The following NAALADL2 variants were observed in gnomAD, a reference collection of about 807,000 sequenced individuals.
NAALADL2 encodes N-acetylated alpha-linked acidic dipeptidase like 2.
In NAALADL2, 76 loss-of-function variants were observed where a neutral mutation model predicts 87.2. The ratio of observed to expected loss-of-function variants is 0.87; its 90% CI spans 0.72 to 1.05. The LOEUF (loss-of-function observed/expected upper bound fraction) is 1.05. Among genes scored for constraint, NAALADL2 ranks in the 50% least tolerant of loss-of-function variants. The pLI is 0.00. For synonymous variants in NAALADL2, 354 were observed against 331.0 expected (o/e 1.07, Z -0.75); for missense variants, 1,089 against 945.8 (o/e 1.15, Z -1.99).
chr3:174,681,116 G>A (rs1000084454), intron 2 of NAALADL2, among the ~76,000 whole-genome samples: 4 of 152,166 alleles, frequency 2.6e-5, no homozygotes, highest in African/African-American at 9.7e-5. Flanking sequence ...GCAGAACTCA[G>A]CTGATGCCTG....
At chr3:174,555,729 A>C (rs939791857) in intron 2 of NAALADL2, among the ~76,000 whole-genome samples, 5 of 152,124 alleles carry the variant, frequency 3.3e-5, no homozygotes, top group Non-Finnish European at 7.4e-5. Flanking sequence ...CCTTTCTATA[A>C]GCCATTCCAT....
chr3:174,467,852 T>C (rs1560001008), intron 1 of NAALADL2, among the ~76,000 whole-genome samples: 1 of 152,058 alleles, frequency 6.6e-6, no homozygotes, highest in East Asian at 1.9e-4. Flanking sequence ...AAAATATCTC[T>C]AACAGAATTA....
intron 2 of NAALADL2, among the ~76,000 whole-genome samples, chr3:174,597,718 T>C (rs530458275): frequency 1.4e-4 from 22 of 152,292 alleles, no homozygotes; most frequent in African/African-American, 5.1e-4. Flanking sequence ...AAAGGGTTCA[T>C]TGGGAGAAGT....
At chr3:175,553,936 A>G (rs887649531) in intron 9 of NAALADL2, among the ~76,000 whole-genome samples, 1 of 152,160 alleles carries the variant, frequency 6.6e-6, no homozygotes, top group African/African-American at 2.4e-5. Flanking sequence ...CAGGTGATAT[A>G]CAGGGTAAAT....
intron 3 of NAALADL2, among the ~76,000 whole-genome samples, chr3:174,830,302 A>G (rs939437322): frequency 4.0e-5 from 6 of 151,366 alleles, no homozygotes; most frequent in Non-Finnish European, 8.9e-5. Flanking sequence ...TATAAGGTGT[A>G]AGGAAGGGAT....
chr3:174,822,480 A>G (rs1291484859), intron 3 of NAALADL2, among the ~76,000 whole-genome samples: 1 of 152,186 alleles, frequency 6.6e-6, no homozygotes, highest in African/African-American at 2.4e-5. Context: ...TCATGCACAG[A>G]CATTGGTAAT....
intron 1 of NAALADL2, among the ~76,000 whole-genome samples, chr3:174,910,570 A>G (rs1733565186): frequency 6.6e-6 from 1 of 152,036 alleles, no homozygotes; most frequent in Non-Finnish European, 1.5e-5. Flanking sequence ...CAGGAAAGGT[A>G]GGAGTTAATT....
chr3:175,013,166 TGTAATAC>T (rs1426372447), intron 1 of NAALADL2, among the ~76,000 whole-genome samples: 14 of 111,668 alleles, frequency 1.3e-4, no homozygotes, highest in African/African-American at 3.8e-4. Context: ...TATATAAATA[TGTAATAC>T]ATATTTATAT....
chr3:174,441,602 A>G (rs1373046198), intron 1 of NAALADL2, among the ~76,000 whole-genome samples: 10 of 152,328 alleles, frequency 6.6e-5, no homozygotes, highest in African/African-American at 1.4e-4. Context: ...AGCCATGGAA[A>G]GAGCAGCCTG....
chr3:175,202,441 A>T (rs762945988), intron 2 of NAALADL2, among the ~76,000 whole-genome samples: 35 of 152,302 alleles, frequency 2.3e-4, no homozygotes, highest in Non-Finnish European at 4.1e-4. Context: ...TGGGTTCAAG[A>T]ATGCTTAACA....
At chr3:174,951,222 T>C (rs1304108284) in intron 1 of NAALADL2, among the ~76,000 whole-genome samples, 2 of 152,026 alleles carry the variant, frequency 1.3e-5, no homozygotes, top group African/African-American at 4.8e-5. Flanking sequence ...AGTTGGGATG[T>C]AAATGTAGCA....
intron 5 of NAALADL2, among the ~76,000 whole-genome samples, chr3:175,346,225 G>A (rs1372280168): frequency 6.6e-6 from 1 of 151,862 alleles, no homozygotes; most frequent in Non-Finnish European, 1.5e-5. Flanking sequence ...CTGAAATTCT[G>A]CCACACAGAG....
At chr3:174,549,011 G>C (rs1473379517) in intron 1 of NAALADL2, among the ~76,000 whole-genome samples, 1 of 151,964 alleles carries the variant, frequency 6.6e-6, no homozygotes, top group Non-Finnish European at 1.5e-5. Context: ...CGGCTAATTT[G>C]TGTATTTTTT....
At chr3:175,655,765 G>T (rs1283048568) in intron 11 of NAALADL2, among the ~76,000 whole-genome samples, 4 of 151,894 alleles carry the variant, frequency 2.6e-5, no homozygotes, top group African/African-American at 4.8e-5. Context: ...ATCAGATCAG[G>T]TTGTCATATT....
chr3:174,479,065 T>G (rs1311290082), intron 1 of NAALADL2, among the ~76,000 whole-genome samples: 1 of 152,146 alleles, frequency 6.6e-6, no homozygotes, highest in Non-Finnish European at 1.5e-5. Flanking sequence ...CCTTACATAC[T>G]CTCTACACTT....
intron 1 of NAALADL2, among the ~76,000 whole-genome samples, chr3:174,531,235 T>C (rs1029201173): frequency 8.5e-5 from 13 of 152,182 alleles, no homozygotes; most frequent in East Asian, 1.9e-4. Context: ...TGCTCATTTT[T>C]AGTCCTTTTA....
intron 5 of NAALADL2, among the ~76,000 whole-genome samples, chr3:175,358,267 T>C (rs1764602368): frequency 6.6e-6 from 1 of 152,174 alleles, no homozygotes; most frequent in Non-Finnish European, 1.5e-5. Flanking sequence ...TCTTCTTATT[T>C]ATCCTTATAA....
chr3:175,006,822 A>G (rs1189689241), intron 1 of NAALADL2, among the ~76,000 whole-genome samples: 1 of 151,396 alleles, frequency 6.6e-6, no homozygotes, highest in Non-Finnish European at 1.5e-5. Flanking sequence ...CCCAACACAT[A>G]TTTGGACATA....
chr3:174,942,903 A>G (rs748674431), intron 1 of NAALADL2, among the ~76,000 whole-genome samples: 24 of 152,054 alleles, frequency 1.6e-4, no homozygotes, highest in Non-Finnish European at 2.1e-4. Context: ...CTTCTTTTTT[A>G]TATCAGCTAT....
Sources: allele counts gnomAD v4.1 joint callset (sites outside exome capture counted in the v4.1 genomes callset), GRCh38; gene constraint gnomAD v4.1.1; transcripts MANE v1.5; gene names NCBI Gene and HGNC (gene_info 2026-07-23, HGNC 2026-07-21).